The following MAML3 variants were observed in gnomAD, a reference collection of about 807,000 sequenced individuals.
The protein encoded by MAML3 is mastermind-like protein 3.
MAML3 carries 27 observed loss-of-function variants against 101.9 expected under a neutral mutation model. The ratio of observed to expected loss-of-function variants is 0.27; its 90% CI spans 0.20 to 0.37. The LOEUF (loss-of-function observed/expected upper bound fraction) is 0.37, where lower values mean the gene tolerates loss of function less well. Ranked by LOEUF, MAML3 falls within the 10% of genes least tolerant of loss-of-function variation. MAML3 has a pLI of 1.00. For missense variants in MAML3, 1,316 were observed against 1,444.9 expected (o/e 0.91, Z 1.45); for synonymous variants, 501 against 555.9 (o/e 0.90, Z 1.39).
intron 1 of MAML3, among the ~76,000 whole-genome samples, chr4:139,997,141 T>A (rs1001003410): frequency 1.3e-5 from 2 of 150,154 alleles, no homozygotes; most frequent in South Asian, 4.2e-4. Flanking sequence ...TATGTGTATA[T>A]ATATATACAC....
chr4:140,085,969 G>C (rs1240087081), intron 1 of MAML3, among the ~76,000 whole-genome samples: 1 of 152,014 alleles, frequency 6.6e-6, no homozygotes, highest in Non-Finnish European at 1.5e-5. Flanking sequence ...AACTACTACT[G>C]GTCTAAATTT....
rs1728656152 is a variant in MAML3 at position 139,730,446 on chromosome 4, CT to C, written c.2300del (p.Gln767ArgfsTer45). The C allele has an allele frequency of 5.8e-6, 9 of 1,551,804 alleles. No individual in the cohort carries two copies. The highest frequency in any genetic ancestry group is 7.8e-6 in the Non-Finnish European group (9 of 1,147,280). On this transcript the variant is annotated frameshift_variant, in exon 3 of 5. Coordinates refer to ENST00000509479, the MANE Select transcript of MAML3 (RefSeq NM_018717.5). LOFTEE classifies it high-confidence loss of function. ...QFLREQRQQQ[Q>X]QQQQQILAEQ... ...CCGCCAAAATCTGCTGCTGCTGCTGCTGCTGCTGCTGCCTTTGCTCCCGCAG... is the reference window on the plus strand; with the variant it reads ...CCGCCAAAATCTGCTGCTGCTGCTGCGCTGCTGCTGCCTTTGCTCCCGCAG...
In MAML3 at chr4:139,859,455, C is replaced by T. The variant is rs576501235; in HGVS notation, c.2079+29902G>A. Among the ~76,000 whole-genome samples, 6 of 152,032 alleles carry T rather than the reference C, an allele frequency of 3.9e-5. No individual in the cohort carries two copies. The South Asian group carries it at 1.0e-3, about 26-fold the overall frequency. On this transcript the variant is annotated intron_variant, in intron 2 of 4. Coordinates refer to ENST00000509479, the MANE Select transcript of MAML3 (RefSeq NM_018717.5). ...CTTCTGGGCTCAAGCGACCCACCTG[C>T]CTCGACCTCCCAAAGTGCTGGGATT... is the stretch of plus-strand genomic sequence containing the variant.
intron 2 of MAML3, among the ~76,000 whole-genome samples, chr4:139,800,638 C>T (rs916607913): frequency 3.9e-5 from 6 of 152,224 alleles, no homozygotes; most frequent in South Asian, 2.1e-4. Context: ...AGATTGTACA[C>T]GCAAGATAAA....
At chr4:139,744,484 T>C (rs1184046744) in intron 2 of MAML3, among the ~76,000 whole-genome samples, 1 of 152,242 alleles carries the variant, frequency 6.6e-6, no homozygotes, top group Non-Finnish European at 1.5e-5. Flanking sequence ...ATGGCTAACA[T>C]GCAAATATTG....
At chr4:139,760,495 GT>G (rs1438004987) in intron 2 of MAML3, among the ~76,000 whole-genome samples, 2 of 152,174 alleles carry the variant, frequency 1.3e-5, no homozygotes, top group Admixed American at 1.3e-4. Context: ...ATGGCACCAT[GT>G]TTAGCACAGC....
At chr4:139,792,768 G>A (rs1455121284) in intron 2 of MAML3, among the ~76,000 whole-genome samples, 25 of 146,596 alleles carry the variant, frequency 1.7e-4, no homozygotes, top group Admixed American at 1.6e-3. Flanking sequence ...TTTTTGAGAC[G>A]GAGTCTTGCT....
intron 2 of MAML3, among the ~76,000 whole-genome samples, chr4:139,847,928 G>A (rs929832762): frequency 6.6e-6 from 1 of 152,050 alleles, no homozygotes; most frequent in African/African-American, 2.4e-5. Context: ...TTGGTGGTAT[G>A]TTTGATCTGG....
chr4:139,734,407 C>T (rs1298920456), intron 2 of MAML3, among the ~76,000 whole-genome samples: 3 of 152,214 alleles, frequency 2.0e-5, no homozygotes, highest in Admixed American at 6.5e-5. Context: ...CCTTGCCCAA[C>T]GACCTCCCTT....
At chr4:139,776,681 C>A (rs1235267036) in intron 2 of MAML3, among the ~76,000 whole-genome samples, 1 of 152,006 alleles carries the variant, frequency 6.6e-6, no homozygotes, top group Admixed American at 6.6e-5. Flanking sequence ...CAAAAGGCAC[C>A]AAAACTGGAT....
intron 1 of MAML3, among the ~76,000 whole-genome samples, chr4:140,023,867 TCA>T (rs1403485912): frequency 1.3e-5 from 2 of 152,370 alleles, no homozygotes; most frequent in East Asian, 1.9e-4. Context: ...TATATTACTG[TCA>T]CACAGTTTCA....
At chr4:140,059,759 G>A (rs1454275640) in intron 1 of MAML3, among the ~76,000 whole-genome samples, 1 of 152,052 alleles carries the variant, frequency 6.6e-6, no homozygotes, top group East Asian at 1.9e-4. Flanking sequence ...TAAAGACCAA[G>A]ATAAGATATA....
At chr4:140,035,831 A>G (rs987135565) in intron 1 of MAML3, among the ~76,000 whole-genome samples, 1 of 152,046 alleles carries the variant, frequency 6.6e-6, no homozygotes, top group African/African-American at 2.4e-5. Flanking sequence ...AATAAAGTTT[A>G]GCACCAAATT....
intron 1 of MAML3, among the ~76,000 whole-genome samples, chr4:140,126,243 A>C (rs1728684551): frequency 6.6e-6 from 1 of 151,042 alleles, no homozygotes; most frequent in Admixed American, 6.6e-5. Flanking sequence ...TTTACCAACT[A>C]CTTGAAAGGG....
intron 1 of MAML3, among the ~76,000 whole-genome samples, chr4:140,066,083 AAC>A (rs1406566083): frequency 6.6e-6 from 1 of 152,236 alleles, no homozygotes; most frequent in Non-Finnish European, 1.5e-5. Context: ...TGTGTCCACT[AAC>A]CAGACCAAAA....
chr4:140,129,749 G>A lies in MAML3; in HGVS notation c.468+23111C>T, dbSNP rs914753747. Among the ~76,000 whole-genome samples, 8 of 152,180 alleles carry A rather than the reference G, an allele frequency of 5.3e-5. No individual in the cohort carries two copies. In the South Asian group the frequency reaches 6.2e-4, roughly 12 times the overall value. ...TGGGAGGCCGAGGCGGGCGGATCAC[G>A]AGGTCAAGAAATCGAGACCAGCCTG... is the stretch of plus-strand genomic sequence containing the variant. On this transcript the variant is annotated intron_variant, in intron 1 of 4. Coordinates refer to ENST00000509479, the MANE Select transcript of MAML3 (RefSeq NM_018717.5).
At chr4:140,077,695 A>C (rs184611562) in intron 1 of MAML3, among the ~76,000 whole-genome samples, 19 of 152,242 alleles carry the variant, frequency 1.2e-4, no homozygotes, top group Admixed American at 3.3e-4. Context: ...CAAGGTAGCC[A>C]CTATCCCTTT....
chr4:140,128,110 C>T (rs1728712807), intron 1 of MAML3: 1 of 152,432 alleles, frequency 6.6e-6, no homozygotes, highest in African/African-American at 2.4e-5. Context: ...CTGCTGTGCC[C>T]TGGCTCTCTT....
At chr4:139,983,864 A>AC (rs922746773) in intron 1 of MAML3, among the ~76,000 whole-genome samples, 1 of 152,208 alleles carries the variant, frequency 6.6e-6, no homozygotes, top group Non-Finnish European at 1.5e-5. Flanking sequence ...AATGGTCAGC[A>AC]CCCCCATGTG....
Sources: allele counts gnomAD v4.1 joint callset (sites outside exome capture counted in the v4.1 genomes callset), GRCh38; gene constraint gnomAD v4.1.1; transcripts MANE v1.5; gene names NCBI Gene and HGNC (gene_info 2026-07-23, HGNC 2026-07-21).